The following PPM1E variants were observed in gnomAD, a reference collection of about 807,000 sequenced individuals.
PPM1E encodes the protein protein phosphatase 1E.
PPM1E carries 20 observed loss-of-function variants against 65.9 expected under a neutral mutation model. The ratio of observed to expected loss-of-function variants is 0.30; its 90% CI spans 0.21 to 0.44. The LOEUF (loss-of-function observed/expected upper bound fraction) is 0.44, where lower values mean the gene tolerates loss of function less well. Ranked by LOEUF, PPM1E falls within the 20% of genes least tolerant of loss-of-function variation. The probability of loss-of-function intolerance (pLI) is 1.00; values close to 1 mark genes in which losing one functional copy is unlikely to be tolerated. For missense variants in PPM1E, 713 were observed against 953.1 expected (o/e 0.75, Z 3.32); for synonymous variants, 352 against 374.9 (o/e 0.94, Z 0.70).
intron 1 of PPM1E, among the ~76,000 whole-genome samples, chr17:58,783,392 G>T (rs910690565): frequency 4.6e-5 from 7 of 152,170 alleles, no homozygotes; most frequent in African/African-American, 1.7e-4. Context: ...GAATTTTATT[G>T]TTGATAAACT....
chr17:58,913,888 T>C (rs1211630773), intron 1 of PPM1E, among the ~76,000 whole-genome samples: 1 of 152,254 alleles, frequency 6.6e-6, no homozygotes, highest in Non-Finnish European at 1.5e-5. Context: ...GACCTCTGGC[T>C]ACATGGCTTC....
chr17:58,872,855 T>C (rs1485390078), intron 1 of PPM1E, among the ~76,000 whole-genome samples: 2 of 152,214 alleles, frequency 1.3e-5, no homozygotes, highest in Non-Finnish European at 2.9e-5. Context: ...ATGTTATAGT[T>C]TGTTACATTT....
chr17:58,938,293 T>C (rs2143593332), intron 1 of PPM1E, among the ~76,000 whole-genome samples: 1 of 152,302 alleles, frequency 6.6e-6, no homozygotes, highest in Non-Finnish European at 1.5e-5. Context: ...TAAGCACCTT[T>C]TCTAAGGTTA....
intron 1 of PPM1E, among the ~76,000 whole-genome samples, chr17:58,855,065 T>A (rs1285964906): frequency 6.6e-6 from 1 of 152,184 alleles, no homozygotes; most frequent in African/African-American, 2.4e-5. Context: ...CCCAGTCATA[T>A]GGGTGCCCCG....
At chr17:58,938,787 C>CTTTTT (rs565049669) in intron 1 of PPM1E, among the ~76,000 whole-genome samples, 7 of 125,158 alleles carry the variant, frequency 5.6e-5, no homozygotes, top group African/African-American at 9.1e-5. Flanking sequence ...TACACTAATT[C>CTTTTT]TTTTTTTTTT....
intron 1 of PPM1E, among the ~76,000 whole-genome samples, chr17:58,907,655 G>A (rs1453621236): frequency 2.6e-5 from 4 of 152,076 alleles, no homozygotes; most frequent in Admixed American, 6.6e-5. Flanking sequence ...TTTGCCTCAC[G>A]TATTTTGATG....
Position 58,830,292 on chromosome 17 carries a change from G to GTTGTTATTATTA in PPM1E, c.464+73833_464+73834insGTTATTATTATT, listed in dbSNP as rs1555612724. 4.8e-3 allele frequency among the ~76,000 whole-genome samples: 701 copies of GTTGTTATTATTA among 146,814 alleles called. 3 individuals are homozygous for GTTGTTATTATTA. Among genetic ancestry groups the GTTGTTATTATTA allele is most frequent in the African/African-American group, 8.9e-3 (349 of 39,372 alleles). ...AGCTTTCACTGTTGTTGTTGTTGTTGTTATTATTATTATTATTATTATTAT... is the reference window on the plus strand; with the variant it reads ...AGCTTTCACTGTTGTTGTTGTTGTTGTTGTTATTATTATTATTATTATTATTATTATTATTAT... On this transcript the variant is annotated intron_variant, in intron 1 of 6. Coordinates refer to ENST00000308249, the MANE Select transcript of PPM1E (RefSeq NM_014906.5).
intron 1 of PPM1E, among the ~76,000 whole-genome samples, chr17:58,805,967 AAAAAAAC>A (rs1567838789): frequency 2.9e-4 from 33 of 113,818 alleles, no homozygotes; most frequent in South Asian, 6.3e-4. Context: ...AAAACAAAAA[AAAAAAAC>A]AAAAAAAAAA....
At chr17:58,829,526 A>ATCTTGGAAC (rs2050577365) in intron 1 of PPM1E, among the ~76,000 whole-genome samples, 1 of 152,168 alleles carries the variant, frequency 6.6e-6, no homozygotes, top group South Asian at 2.1e-4. Context: ...TAAGGCTTTC[A>ATCTTGGAAC]TCTTGGAACT....
chr17:58,778,927 C>CATATATATATATATATAT lies in PPM1E; in HGVS notation c.464+22483_464+22500dup, dbSNP rs59563297. Among the ~76,000 whole-genome samples the CATATATATATATATATAT allele has an allele frequency of 1.6e-3, 167 of 103,674 alleles. 2 individuals are homozygous for CATATATATATATATATAT. Among genetic ancestry groups the CATATATATATATATATAT allele is most frequent in the Middle Eastern group, 7.5e-3 (1 of 134 alleles). The allele number at this position is 103,674 out of a possible 152,430, so 68.0% of individuals were successfully genotyped here. Reference sequence around the variant, plus strand: ...TATAACTAAATTGAGATGATACATACATATATATATATATATATATATATA... The same window carrying CATATATATATATATATAT: ...TATAACTAAATTGAGATGATACATACATATATATATATATATATATATATATATATATATATATATATA... On this transcript the variant is annotated intron_variant, in intron 1 of 6. Coordinates refer to ENST00000308249, the MANE Select transcript of PPM1E (RefSeq NM_014906.5).
chr17:58,928,237 G>C (rs2051848859), intron 1 of PPM1E, among the ~76,000 whole-genome samples: 1 of 151,330 alleles, frequency 6.6e-6, no homozygotes, highest in South Asian at 2.1e-4. Context: ...GTTTCCAAAA[G>C]AAAAAAAGAA....
At chr17:58,825,141 A>G (rs1311955736) in intron 1 of PPM1E, among the ~76,000 whole-genome samples, 2 of 151,866 alleles carry the variant, frequency 1.3e-5, no homozygotes, top group Non-Finnish European at 2.9e-5. Context: ...TCATGTAACC[A>G]AATACCACCT....
chr17:58,820,062 GATAA>G (rs2050464706), intron 1 of PPM1E, among the ~76,000 whole-genome samples: 4 of 151,752 alleles, frequency 2.6e-5, no homozygotes. Flanking sequence ...AAATAAATAA[GATAA>G]ATAAATAAAG....
chr17:58,792,983 C>T (rs910059453), intron 1 of PPM1E, among the ~76,000 whole-genome samples: 2 of 151,416 alleles, frequency 1.3e-5, no homozygotes, highest in Non-Finnish European at 2.9e-5. Flanking sequence ...CTCTTGGCCT[C>T]ATGATCCGCC....
At chr17:58,906,741 T>C (rs928898930) in intron 1 of PPM1E, among the ~76,000 whole-genome samples, 3 of 152,124 alleles carry the variant, frequency 2.0e-5, no homozygotes, top group Non-Finnish European at 2.9e-5. Flanking sequence ...TGCTCTTCTT[T>C]TTCCAGTTTC....
chr17:58,832,056 T>A (rs1021082863), intron 1 of PPM1E, among the ~76,000 whole-genome samples: 2 of 152,234 alleles, frequency 1.3e-5, no homozygotes, highest in Admixed American at 1.3e-4. Flanking sequence ...TCTGTAGGAC[T>A]ATTGATCCTA....
chr17:58,762,766 C>T (rs1035054738), intron 1 of PPM1E, among the ~76,000 whole-genome samples: 12 of 151,356 alleles, frequency 7.9e-5, no homozygotes, highest in Admixed American at 4.0e-4. Flanking sequence ...GGCATAGTGG[C>T]GGGCGCCTGT....
chr17:58,940,717 T>G (rs548654560), intron 1 of PPM1E, among the ~76,000 whole-genome samples: 45 of 130,676 alleles, frequency 3.4e-4, no homozygotes, highest in East Asian at 1.6e-3. Flanking sequence ...GTTTTTTGGG[T>G]TTTTTTTTGA....
chr17:58,825,260 ACAC>A (rs1567844897), intron 1 of PPM1E, among the ~76,000 whole-genome samples: 12 of 150,296 alleles, frequency 8.0e-5, no homozygotes, highest in South Asian at 2.1e-4. Context: ...ACACACACAC[ACAC>A]AAAAATAAAT....
Sources: gnomAD v4.1 joint callset for allele counts (sites outside exome capture counted in the v4.1 genomes callset) on GRCh38, gnomAD v4.1.1 for gene constraint, MANE v1.5 for transcripts, NCBI Gene and HGNC (gene_info 2026-07-23, HGNC 2026-07-21) for gene names.